Variants in NRP1 observed in about 807,000 individuals in gnomAD.
NRP1 encodes neuropilin 1.
Under a neutral mutation model 106.7 loss-of-function variants are expected in NRP1, and 35 were observed. The ratio of observed to expected loss-of-function variants is 0.33; its 90% CI spans 0.25 to 0.43. The LOEUF is 0.43. Among genes scored for constraint, NRP1 ranks in the 20% least tolerant of loss-of-function variants. NRP1 has a pLI of 1.00. For synonymous variants in NRP1, 437 were observed against 417.9 expected (o/e 1.05, Z -0.56); for missense variants, 1,024 against 1,170.4 (o/e 0.87, Z 1.83).
intron 2 of NRP1, among the ~76,000 whole-genome samples, chr10:33,280,675 T>C (rs1395143513): frequency 6.6e-6 from 1 of 152,032 alleles, no homozygotes; most frequent in South Asian, 2.1e-4. Context: ...ACTTTGAAGG[T>C]TTTTTCCCTA....
chr10:33,209,590 C>T (rs977549366), intron 9 of NRP1, among the ~76,000 whole-genome samples: 3 of 152,178 alleles, frequency 2.0e-5, no homozygotes, highest in Admixed American at 2.0e-4. Context: ...GATTCTCTTG[C>T]CTCAGCCTCC....
chr10:33,291,607 C>A (rs903187216), intron 2 of NRP1, among the ~76,000 whole-genome samples: 5 of 152,124 alleles, frequency 3.3e-5, no homozygotes, highest in African/African-American at 9.7e-5. Flanking sequence ...AGGAGCATAT[C>A]AAACAGATGC....
At chr10:33,319,532 C>G (rs113078504) in intron 2 of NRP1, among the ~76,000 whole-genome samples, 161 of 151,476 alleles carry the variant, frequency 1.1e-3, no homozygotes, top group African/African-American at 3.8e-3. Flanking sequence ...ATAAATCTTG[C>G]TGGTGCTCAC....
At chr10:33,328,245 A>G (rs536253275) in intron 2 of NRP1, among the ~76,000 whole-genome samples, 1 of 152,068 alleles carries the variant, frequency 6.6e-6, no homozygotes, top group Non-Finnish European at 1.5e-5. Context: ...ATCCCATTAT[A>G]CCCCACCTGA....
chr10:33,291,807 G>GTTTC lies in NRP1; in HGVS notation c.249-20955_249-20952dup, dbSNP rs756631336. Among the ~76,000 whole-genome samples the GTTTC allele has an allele frequency of 3.9e-5, 6 of 152,266 alleles. No homozygotes were observed. The South Asian group carries it at 1.2e-3, about 32-fold the overall frequency. On this transcript the variant is annotated intron_variant, in intron 2 of 16. Coordinates refer to ENST00000374867, the MANE Select transcript of NRP1 (RefSeq NM_003873.7). ...CTGAAAATAAACTAGAAAATTGTCT[G>GTTTC]TTTCAATATATCCTTATTTTCAAAT...
intron 2 of NRP1, among the ~76,000 whole-genome samples, chr10:33,289,512 C>T (rs930622721): frequency 2.0e-5 from 3 of 152,138 alleles, no homozygotes; most frequent in African/African-American, 7.2e-5. Context: ...TAGATCTCAA[C>T]TTTCCTGCCA....
At chr10:33,318,748 C>T (rs1279461489) in intron 2 of NRP1, among the ~76,000 whole-genome samples, 1 of 144,392 alleles carries the variant, frequency 6.9e-6, no homozygotes, top group Admixed American at 6.9e-5. Context: ...ATTAGGTTGG[C>T]GCAAAAGTTA....
chr10:33,186,196 A>G (rs1190408751), intron 14 of NRP1, 21 bp downstream of exon 14: 1 of 1,560,184 alleles, frequency 6.4e-7, no homozygotes, highest in African/African-American at 1.4e-5. Context: ...TGCCCTCCCC[A>G]GCCTTGGGAA....
intron 2 of NRP1, among the ~76,000 whole-genome samples, chr10:33,294,771 G>C (rs1845263674): frequency 6.6e-6 from 1 of 152,100 alleles, no homozygotes; most frequent in Admixed American, 6.5e-5. Context: ...AGGGAACCTG[G>C]GACAGAACTT....
chr10:33,248,462 A>C (rs1320459789), intron 6 of NRP1, among the ~76,000 whole-genome samples: 2 of 152,188 alleles, frequency 1.3e-5, no homozygotes, highest in Admixed American at 6.5e-5. Context: ...TTTTGACACT[A>C]TTGTCTCAAA....
At chr10:33,272,558 G>T (rs1168574441) in intron 2 of NRP1, among the ~76,000 whole-genome samples, 3 of 152,116 alleles carry the variant, frequency 2.0e-5, no homozygotes, top group Non-Finnish European at 4.4e-5. Context: ...GGAGGAAGAA[G>T]AAAGCATTAT....
chr10:33,239,158 G>A (rs372114384), intron 6 of NRP1, among the ~76,000 whole-genome samples: 28 of 151,868 alleles, frequency 1.8e-4, no homozygotes, highest in African/African-American at 6.8e-4. Flanking sequence ...AGGTGTAGTG[G>A]CATGCTCCTG....
At chr10:33,237,495 A>G (rs983680563) in intron 6 of NRP1, among the ~76,000 whole-genome samples, 7 of 148,954 alleles carry the variant, frequency 4.7e-5, no homozygotes, top group African/African-American at 1.2e-4. Flanking sequence ...GCGCACACAC[A>G]CACACACACA....
At chr10:33,299,248 C>T (rs1342665080) in intron 2 of NRP1, among the ~76,000 whole-genome samples, 1 of 152,146 alleles carries the variant, frequency 6.6e-6, no homozygotes, top group East Asian at 1.9e-4. Flanking sequence ...CTGACCCTGC[C>T]CCAATCCTTA....
intron 8 of NRP1, among the ~76,000 whole-genome samples, chr10:33,220,193 T>A (rs1025092323): frequency 2.6e-5 from 4 of 152,188 alleles, no homozygotes; most frequent in African/African-American, 9.6e-5. Context: ...ACAAGTATAG[T>A]TTTTCCTGTT....
chr10:33,243,625 GC>G (rs1273086772), intron 6 of NRP1, among the ~76,000 whole-genome samples: 5 of 95,786 alleles, frequency 5.2e-5, no homozygotes, highest in Admixed American at 5.0e-4. Context: ...TTAGAATAAT[GC>G]CATACATAAG....
intron 10 of NRP1, 30 bp downstream of exon 10, chr10:33,207,542 A>G: frequency 6.2e-7 from 1 of 1,612,584 alleles, no homozygotes; most frequent in Non-Finnish European, 8.5e-7. Context: ...TTAAAAACGC[A>G]TGAGAAGTAA....
At chr10:33,267,317 GGAGT>G (rs1842990125) in intron 3 of NRP1, among the ~76,000 whole-genome samples, 1 of 152,168 alleles carries the variant, frequency 6.6e-6, no homozygotes, top group Non-Finnish European at 1.5e-5. Flanking sequence ...GAGATGAGCA[GGAGT>G]GAGGCCAACA....
At chr10:33,212,624 C>A (rs1427795133) in intron 9 of NRP1, 2 of 152,738 alleles carry the variant, frequency 1.3e-5, no homozygotes, top group African/African-American at 4.8e-5. Context: ...GAACTGCACA[C>A]TAAAAAGGTT....
Sources: allele counts gnomAD v4.1 joint callset (sites outside exome capture counted in the v4.1 genomes callset), GRCh38; gene constraint gnomAD v4.1.1; transcripts MANE v1.5; gene names NCBI Gene and HGNC (gene_info 2026-07-23, HGNC 2026-07-21).